SV2C: variants seen among roughly 807,000 people sequenced by gnomAD.
The protein encoded by SV2C is synaptic vesicle glycoprotein 2C.
Under a neutral mutation model 79.7 loss-of-function variants are expected in SV2C, and 49 were observed. That is an observed-to-expected ratio of 0.61 (90% confidence interval 0.49 to 0.78). The LOEUF is 0.78. Among genes scored for constraint, SV2C ranks in the 30% least tolerant of loss-of-function variants. The pLI is 0.00. For missense variants in SV2C, 833 were observed against 912.9 expected, an observed-to-expected ratio of 0.91 and a Z score of 1.13; for synonymous variants, 334 against 333.2, an observed-to-expected ratio of 1.00 and a Z score of -0.03.
chr5:76,261,994 G>A (rs538418189), intron 4 of SV2C, among the ~76,000 whole-genome samples: 1 of 152,110 alleles, frequency 6.6e-6, no homozygotes, highest in African/African-American at 2.4e-5. Context: ...TTTTTTTATT[G>A]TTTGGAATAG....
chr5:75,899,096 C>T, the SV2C span, among the ~76,000 whole-genome samples: 1 of 152,058 alleles, frequency 6.6e-6, no homozygotes, highest in Non-Finnish European at 1.5e-5. Context: ...TTAGTTATTT[C>T]TTGCCTTCTG....
At chr5:76,214,935 T>C (rs141229992) in intron 4 of SV2C, among the ~76,000 whole-genome samples, 8 of 152,358 alleles carry the variant, frequency 5.3e-5, no homozygotes, top group African/African-American at 1.9e-4. Context: ...GAATTTTCTA[T>C]ATGTAAGATC....
At chr5:76,124,279 C>G (rs1441000804) in intron 1 of SV2C, among the ~76,000 whole-genome samples, 1 of 152,172 alleles carries the variant, frequency 6.6e-6, no homozygotes, top group East Asian at 1.9e-4. Context: ...CCCCACTTCT[C>G]CCAGATCCTG....
intron 3 of SV2C, among the ~76,000 whole-genome samples, chr5:76,196,859 T>C (rs1744285138): frequency 6.6e-6 from 1 of 152,190 alleles, no homozygotes; most frequent in Admixed American, 6.5e-5. Context: ...CCCAACAGAC[T>C]GTAGAGAAAA....
chr5:76,019,088 G>C, the SV2C span, among the ~76,000 whole-genome samples: 1 of 152,250 alleles, frequency 6.6e-6, no homozygotes, highest in East Asian at 1.9e-4. Context: ...GATAAAAAGA[G>C]AGAGAGAGAA....
rs374550945 is a variant in SV2C at position 76,197,490 on chromosome 5, A to G, written c.761+2391A>G. 5.8e-4 allele frequency among the ~76,000 whole-genome samples: 88 copies of G among 152,254 alleles called. 1 individual carries two copies. The Middle Eastern group carries it at 0.031, about 53-fold the overall frequency. ...AAGTTAATCTCTATAATAAATGGTG[A>G]GTACCTAGGCTGGGGACAGGGCTGA... On this transcript the variant is annotated intron_variant, in intron 3 of 12. Coordinates refer to ENST00000502798, the MANE Select transcript of SV2C (RefSeq NM_014979.4).
At chr5:75,921,571 GC>G in the SV2C span, 2 of 944,542 alleles carry the variant, frequency 2.1e-6, no homozygotes, top group South Asian at 2.6e-5. Flanking sequence ...TGTCATTGCG[GC>G]CCGTGAAGTT....
At chr5:76,120,639 T>C (rs1457349207) in intron 1 of SV2C, among the ~76,000 whole-genome samples, 1 of 149,676 alleles carries the variant, frequency 6.7e-6, no homozygotes, top group African/African-American at 2.5e-5. Context: ...GTCCTTGTGA[T>C]AGTTTACTGA....
chr5:76,303,969 T>G (rs1748100621), intron 12 of SV2C, among the ~76,000 whole-genome samples: 1 of 152,162 alleles, frequency 6.6e-6, no homozygotes, highest in African/African-American at 2.4e-5. Flanking sequence ...AAGGAAGGTT[T>G]GGCAAGGCTG....
the SV2C span, among the ~76,000 whole-genome samples, chr5:75,925,777 A>G: frequency 1.3e-5 from 2 of 151,998 alleles, no homozygotes; most frequent in South Asian, 2.1e-4. Flanking sequence ...CACAAAGAAC[A>G]TAGATTCTTA....
upstream of SV2C, among the ~76,000 whole-genome samples, chr5:76,081,049 T>C (rs1746979658): frequency 6.6e-6 from 1 of 152,156 alleles, no homozygotes; most frequent in Non-Finnish European, 1.5e-5. Context: ...AACCTGGTCT[T>C]AAATGGGATG....
the SV2C span, among the ~76,000 whole-genome samples, chr5:76,074,007 G>C: frequency 6.6e-6 from 1 of 152,150 alleles, no homozygotes; most frequent in Non-Finnish European, 1.5e-5. Context: ...ATTGGTTGAG[G>C]GTTCACAGAC....
At chr5:76,316,539 A>C (rs974548625) in intron 12 of SV2C, among the ~76,000 whole-genome samples, 6 of 152,196 alleles carry the variant, frequency 3.9e-5, no homozygotes, top group African/African-American at 1.4e-4. Context: ...ACTTTGGTTC[A>C]ATCAGATTGC....
chr5:75,886,296 G>T, the SV2C span, among the ~76,000 whole-genome samples: 7 of 152,018 alleles, frequency 4.6e-5, no homozygotes, highest in Non-Finnish European at 1.0e-4. Context: ...GTCTCTTTTT[G>T]CTAAGGAAAA....
chr5:76,225,735 G>C (rs1285090917), intron 4 of SV2C, among the ~76,000 whole-genome samples: 1 of 152,140 alleles, frequency 6.6e-6, no homozygotes, highest in African/African-American at 2.4e-5. Context: ...ACTGGTTGAG[G>C]GCCATGGAGC....
At chr5:75,970,448 G>C in the SV2C span, among the ~76,000 whole-genome samples, 1 of 152,008 alleles carries the variant, frequency 6.6e-6, no homozygotes, top group Non-Finnish European at 1.5e-5. Flanking sequence ...AAGAAGAAAA[G>C]AGAGAAGAAT....
chr5:76,141,904 C>G (rs1352819114), intron 2 of SV2C, among the ~76,000 whole-genome samples: 1 of 149,788 alleles, frequency 6.7e-6, no homozygotes, highest in Admixed American at 6.6e-5. Context: ...TGTTAATTAT[C>G]TAACAATTGG....
At chr5:76,253,654 C>T (rs558309533) in intron 4 of SV2C, among the ~76,000 whole-genome samples, 1 of 149,906 alleles carries the variant, frequency 6.7e-6, no homozygotes, top group African/African-American at 2.5e-5. Context: ...CTCAACACAT[C>T]CAGCCGTTTC....
intron 3 of SV2C, among the ~76,000 whole-genome samples, chr5:76,198,692 C>A (rs1219863967): frequency 6.6e-6 from 1 of 152,174 alleles, no homozygotes; most frequent in South Asian, 2.1e-4. Flanking sequence ...CTTTTGCTTG[C>A]TTTGTGAAAT....
Sources: allele counts gnomAD v4.1 joint callset (sites outside exome capture counted in the v4.1 genomes callset), GRCh38; gene constraint gnomAD v4.1.1; transcripts MANE v1.5; gene names NCBI Gene and HGNC (gene_info 2026-07-23, HGNC 2026-07-21).